Variants in RCOR3 observed in about 807,000 individuals in gnomAD.
RCOR3 encodes the protein REST corepressor 3.
A neutral mutation model predicts 64.1 loss-of-function variants in RCOR3; 13 were observed. The observed-to-expected ratio is 0.20, with a 90% CI of 0.13 to 0.32. The LOEUF (loss-of-function observed/expected upper bound fraction) is 0.32. Among genes scored for constraint, RCOR3 ranks in the 10% least tolerant of loss-of-function variants. RCOR3 has a pLI of 1.00. For synonymous variants in RCOR3, 215 were observed against 239.0 expected (o/e 0.90, Z 0.93); for missense variants, 489 against 701.2 (o/e 0.70, Z 3.42).
chr1:211,270,744 A>C (rs994497493), intron 2 of RCOR3, among the ~76,000 whole-genome samples: 1 of 152,204 alleles, frequency 6.6e-6, no homozygotes. Flanking sequence ...TAGTTTTTAT[A>C]AGCAAAATAT....
intron 10 of RCOR3, among the ~76,000 whole-genome samples, chr1:211,311,825 G>T (rs1200381848): frequency 2.0e-5 from 3 of 152,010 alleles, no homozygotes; most frequent in Non-Finnish European, 2.9e-5. Flanking sequence ...TCCCTTAAGA[G>T]GAAATTATTA....
rs892959181 is a variant in RCOR3 at position 211,315,033 on chromosome 1, C to G, written c.*1265C>G. 1.8e-4 allele frequency: 27 copies of G among 152,172 alleles called. No homozygotes were observed. The highest frequency in any genetic ancestry group is 6.5e-4 in the African/African-American group (27 of 41,430). The allele number at this position is 152,172 out of a possible 1,614,324, so 9.4% of individuals were successfully genotyped here. On this transcript the variant is annotated 3_prime_UTR_variant, in exon 12 of 12. Transcript: ENST00000419091. ...AAAAAGACATCAAGTCTTCTTAATT[C>G]AACCCATAATCATTAAGTACTTAAC... is the stretch of plus-strand genomic sequence containing the variant.
At chr1:211,272,623 T>TTTTTTC (rs1696380137) in intron 3 of RCOR3, among the ~76,000 whole-genome samples, 1 of 105,552 alleles carries the variant, frequency 9.5e-6, no homozygotes, top group African/African-American at 3.4e-5. Flanking sequence ...TTTTTTTTTT[T>TTTTTTC]TTTTTTTTTT....
intron 9 of RCOR3, among the ~76,000 whole-genome samples, chr1:211,296,561 A>T (rs1571957866): frequency 6.6e-6 from 1 of 152,128 alleles, no homozygotes. Context: ...GTGAGGGGCT[A>T]TGGGGAGGCA....
chr1:211,278,833 A>G (rs1182520896), intron 6 of RCOR3, among the ~76,000 whole-genome samples: 2 of 152,156 alleles, frequency 1.3e-5, no homozygotes, highest in Admixed American at 1.3e-4. Flanking sequence ...GTTAAATAAT[A>G]TTTAGTAAAA....
At chr1:211,281,993 T>C (rs1697875123) in intron 7 of RCOR3, among the ~76,000 whole-genome samples, 1 of 152,210 alleles carries the variant, frequency 6.6e-6, no homozygotes, top group Admixed American at 6.5e-5. Flanking sequence ...ACATGCTATA[T>C]GCTCTTAATT....
intron 3 of RCOR3, among the ~76,000 whole-genome samples, chr1:211,273,389 A>G (rs374156578): frequency 6.6e-6 from 1 of 152,246 alleles, no homozygotes; most frequent in Non-Finnish European, 1.5e-5. Context: ...ACCCAGGTAG[A>G]CTAGCTGTTC....
chr1:211,284,792 G>A (rs1698305965), intron 7 of RCOR3, among the ~76,000 whole-genome samples: 1 of 152,180 alleles, frequency 6.6e-6, no homozygotes, highest in South Asian at 2.1e-4. Flanking sequence ...AAAGTGCTGG[G>A]ATAACAGGTG....
intron 8 of RCOR3, among the ~76,000 whole-genome samples, chr1:211,290,225 A>G (rs1013841008): frequency 6.6e-6 from 1 of 152,116 alleles, no homozygotes; most frequent in Non-Finnish European, 1.5e-5. Context: ...TGACTTCTGA[A>G]TCTTATTTCT....
Position 211,312,587 on chromosome 1 carries a change from C to G in RCOR3, c.1076-133C>G, listed in dbSNP as rs1701606177. On this transcript the variant is annotated intron_variant, in intron 10 of 11. Coordinates refer to ENST00000419091, the MANE Select transcript of RCOR3 (RefSeq NM_001136223.3). This position sits in a 1 kb window ranked among gnomAD's most constrained non-coding sequence, Gnocchi z 5.0. The stretch of plus-strand genomic sequence containing the variant: ...GACCCTGATATCTTAGCCTCTATCT[C>G]AGAATTGAGAAATGAGCAGAGTTTA... The G allele has an allele frequency of 1.9e-5, 14 of 728,910 alleles. No individual in the cohort carries two copies. The South Asian group carries it at 2.2e-4, about 11-fold the overall frequency. 45.2% of individuals were successfully genotyped at this position (728,910 alleles called of 1,614,324 possible).
intron 2 of RCOR3, among the ~76,000 whole-genome samples, chr1:211,268,868 AT>A (rs1278750752): frequency 6.6e-6 from 1 of 152,140 alleles, no homozygotes; most frequent in African/African-American, 2.4e-5. Flanking sequence ...CATACATAGA[AT>A]TTTAAGATAA....
At chr1:211,261,292 T>A (rs2102408246) in intron 2 of RCOR3, 1 of 152,316 alleles carries the variant, frequency 6.6e-6, no homozygotes, top group Admixed American at 6.5e-5. Context: ...TGCAAAATGA[T>A]ATTTACCAAC....
intron 2 of RCOR3, chr1:211,261,297 A>G (rs909770803): frequency 6.6e-6 from 1 of 152,192 alleles, no homozygotes; most frequent in Non-Finnish European, 1.5e-5. Context: ...AATGATATTT[A>G]CCAACCATTT....
chr1:211,280,644 C>G (rs914901452), intron 7 of RCOR3, among the ~76,000 whole-genome samples: 1 of 152,140 alleles, frequency 6.6e-6, no homozygotes, highest in African/African-American at 2.4e-5. Context: ...CGCATATTTT[C>G]AACCTTTCAG....
At chr1:211,260,641 G>A (rs1694091794) in intron 2 of RCOR3, among the ~76,000 whole-genome samples, 1 of 152,190 alleles carries the variant, frequency 6.6e-6, no homozygotes, top group Non-Finnish European at 1.5e-5. Context: ...GAGCCCTGCC[G>A]ACCTGTGCGC....
Position 211,264,567 on chromosome 1 carries a change from TC to T in RCOR3, c.223+4405del, listed in dbSNP as rs1303474634. Among the ~76,000 whole-genome samples, 8 of 152,216 alleles carry T rather than the reference TC, an allele frequency of 5.3e-5. No individual in the cohort carries two copies. In the South Asian group the frequency reaches 1.4e-3, roughly 28 times the overall value. ...TGTTGTGGCATACCACATCTGTACT[TC>T]CAGCTACTTAGAAGACTGAGGTGGG... On this transcript the variant is annotated intron_variant, in intron 2 of 11. Coordinates refer to ENST00000419091, the MANE Select transcript of RCOR3 (RefSeq NM_001136223.3).
At position 211,276,463 on chromosome 1, in the gene RCOR3, C is replaced by A. The variant is rs527741400; in HGVS notation, c.516+45C>A. The stretch of plus-strand genomic sequence containing the variant: ...ACTGTGGTTCATATGTGAATGATAT[C>A]TTAAGCTACTATTAAACACTTCCTA... On this transcript the variant is annotated intron_variant, in intron 5 of 11. Transcript: ENST00000419091. 4 of 1,488,236 alleles carry A rather than the reference C, an allele frequency of 2.7e-6. No individual in the cohort carries two copies. In the East Asian group the frequency reaches 9.1e-5, roughly 34 times the overall value. 92.2% of individuals were successfully genotyped at this position (1,488,236 alleles called of 1,614,324 possible).
At chr1:211,263,954 A>C (rs1226330852) in intron 2 of RCOR3, among the ~76,000 whole-genome samples, 3 of 150,014 alleles carry the variant, frequency 2.0e-5, no homozygotes, top group Non-Finnish European at 2.9e-5. Flanking sequence ...AGTAGCTGGG[A>C]CTACAGGCAC....
intron 2 of RCOR3, among the ~76,000 whole-genome samples, chr1:211,268,364 T>C (rs1045394739): frequency 8.0e-6 from 1 of 125,588 alleles, no homozygotes; most frequent in Non-Finnish European, 1.6e-5. Context: ...AAGTTTCTTT[T>C]CTTTCTTTTT....
Sources: gnomAD v4.1 joint callset for allele counts (sites outside exome capture counted in the v4.1 genomes callset) on GRCh38, gnomAD v4.1.1 for gene constraint, Gnocchi (gnomAD v3.1) non-coding constraint, MANE v1.5 for transcripts, NCBI Gene and HGNC (gene_info 2026-07-23, HGNC 2026-07-21) for gene names.